Variants in SVEP1 observed in about 807,000 individuals in gnomAD.
The protein encoded by SVEP1 is sushi, von Willebrand factor type A, EGF and pentraxin domain containing 1.
Under a neutral mutation model 367.3 loss-of-function variants are expected in SVEP1, and 164 were observed. The observed-to-expected ratio is 0.45, with a 90% CI of 0.39 to 0.51. SVEP1 has a LOEUF of 0.51. Among genes scored for constraint, SVEP1 ranks in the 20% least tolerant of loss-of-function variants. The probability of loss-of-function intolerance (pLI) is 0.00; values close to 1 mark genes in which losing one functional copy is unlikely to be tolerated. For synonymous variants in SVEP1, 1,666 were observed against 1,611.6 expected (o/e 1.03, Z -0.81); for missense variants, 4,117 against 4,425.3 (o/e 0.93, Z 1.98).
chr9:110,515,082 T>G (rs913280362), intron 3 of SVEP1, among the ~76,000 whole-genome samples: 1 of 152,238 alleles, frequency 6.6e-6, no homozygotes, highest in African/African-American at 2.4e-5. Context: ...AAATCTTTCC[T>G]CTGCACAGAC....
At chr9:110,503,677 T>C (rs1352075821) in intron 5 of SVEP1, among the ~76,000 whole-genome samples, 2 of 152,252 alleles carry the variant, frequency 1.3e-5, no homozygotes, top group Non-Finnish European at 2.9e-5. Flanking sequence ...CTTCTAATAG[T>C]GTTAGCCTCT....
chr9:110,521,186 T>C (rs1829870892), intron 3 of SVEP1, among the ~76,000 whole-genome samples: 1 of 152,234 alleles, frequency 6.6e-6, no homozygotes, highest in South Asian at 2.1e-4. Flanking sequence ...GACTTTCTTT[T>C]TATGAGGCAG....
chr9:110,505,810 CTTT>C, intron 5 of SVEP1, among the ~76,000 whole-genome samples: 1 of 144,528 alleles, frequency 6.9e-6, no homozygotes, highest in South Asian at 2.2e-4. Context: ...CTCTTATTTT[CTTT>C]TCTCTCTTTT....
At chr9:110,527,223 T>C (rs1011186797) in intron 3 of SVEP1, among the ~76,000 whole-genome samples, 9 of 152,078 alleles carry the variant, frequency 5.9e-5, no homozygotes, top group African/African-American at 1.7e-4. Flanking sequence ...GGAAAGGATA[T>C]AGAGGATCTC....
At chr9:110,475,312 T>C (rs936276804) in intron 14 of SVEP1, among the ~76,000 whole-genome samples, 1 of 152,094 alleles carries the variant, frequency 6.6e-6, no homozygotes, top group Non-Finnish European at 1.5e-5. Context: ...TCTAAACACA[T>C]GACTTGAACT....
At chr9:110,550,125 T>G (rs770737904) in intron 1 of SVEP1, 21 bp from the exon 2 acceptor site, 1 of 1,613,206 alleles carries the variant, frequency 6.2e-7, no homozygotes, top group South Asian at 1.1e-5. Context: ...ATGGGGAAAG[T>G]TAATATGAGT....
intron 3 of SVEP1, among the ~76,000 whole-genome samples, chr9:110,527,140 T>C (rs888307324): frequency 6.6e-6 from 1 of 152,072 alleles, no homozygotes; most frequent in Non-Finnish European, 1.5e-5. Context: ...AATATCCTGT[T>C]TGAGATACTG....
chr9:110,385,388 G>A (rs542532853), intron 43 of SVEP1, among the ~76,000 whole-genome samples: 5 of 152,212 alleles, frequency 3.3e-5, no homozygotes, highest in Non-Finnish European at 5.9e-5. Flanking sequence ...GTAACAAAGC[G>A]CTAACCTATA....
At chr9:110,462,727 G>C (rs188595401) in intron 18 of SVEP1, among the ~76,000 whole-genome samples, 1 of 150,468 alleles carries the variant, frequency 6.6e-6, no homozygotes, top group East Asian at 1.9e-4. Flanking sequence ...CAGAGAGACA[G>C]AGAGAGAGAG....
chr9:110,548,981 A>C (rs1223542496), intron 2 of SVEP1, among the ~76,000 whole-genome samples: 2 of 152,174 alleles, frequency 1.3e-5, no homozygotes, highest in Non-Finnish European at 2.9e-5. Flanking sequence ...TTTTAAAAAG[A>C]AACTCCAGTA....
intron 22 of SVEP1, among the ~76,000 whole-genome samples, chr9:110,453,934 C>T (rs755607619): frequency 2.0e-5 from 3 of 149,522 alleles, no homozygotes; most frequent in African/African-American, 7.4e-5. Context: ...ATCTCACTGT[C>T]GTTTTGATTG....
intron 35 of SVEP1, among the ~76,000 whole-genome samples, chr9:110,428,399 A>AACACACACACAC (rs113743775): frequency 0.01 from 1,219 of 120,198 alleles, 7 homozygotes; most frequent in African/African-American, 0.022. Context: ...CCTCTGTTTA[A>AACACACACACAC]ACACACACAC....
At chr9:110,398,098 A>G (rs1827796204) in intron 40 of SVEP1, among the ~76,000 whole-genome samples, 1 of 151,612 alleles carries the variant, frequency 6.6e-6, no homozygotes, top group African/African-American at 2.4e-5. Flanking sequence ...ACCATACTAC[A>G]AGGCTACAGT....
chr9:110,550,732 G>A (rs1830276158), intron 1 of SVEP1, among the ~76,000 whole-genome samples: 1 of 152,162 alleles, frequency 6.6e-6, no homozygotes, highest in African/African-American at 2.4e-5. Context: ...AAAATAGCTA[G>A]TTTTGGTGGT....
At chr9:110,386,758 TTGAG>T (rs1380561165) in intron 42 of SVEP1, among the ~76,000 whole-genome samples, 6 of 152,362 alleles carry the variant, frequency 3.9e-5, no homozygotes, top group South Asian at 2.1e-4. Flanking sequence ...ATAAAAGTAT[TTGAG>T]TGAGGTACAC....
At chr9:110,479,902 G>A in intron 12 of SVEP1, 146 bp from the exon 13 acceptor site, 1 of 1,131,296 alleles carries the variant, frequency 8.8e-7, no homozygotes, top group Non-Finnish European at 1.2e-6. Flanking sequence ...GTTAAGGAGA[G>A]TTTCTAGGCA....
intron 1 of SVEP1, among the ~76,000 whole-genome samples, chr9:110,572,793 A>C (rs1164516488): frequency 1.0e-4 from 5 of 47,630 alleles, no homozygotes; most frequent in South Asian, 9.5e-4. Context: ...CTCTCACAAA[A>C]AAAAAAAAAA....
intron 3 of SVEP1, 50 bp downstream of exon 3, chr9:110,546,065 C>A (rs767011017): frequency 6.5e-7 from 1 of 1,538,218 alleles, no homozygotes; most frequent in South Asian, 1.2e-5. Flanking sequence ...ATTTTAGAAT[C>A]ATTTGTTACA....
intron 46 of SVEP1, among the ~76,000 whole-genome samples, chr9:110,371,211 T>A (rs1588016317): frequency 1.3e-5 from 2 of 152,200 alleles, no homozygotes; most frequent in East Asian, 3.9e-4. Flanking sequence ...AAAATAAAAC[T>A]CAATAATTGA....
Sources: allele counts gnomAD v4.1 joint callset (sites outside exome capture counted in the v4.1 genomes callset), GRCh38; gene constraint gnomAD v4.1.1; transcripts MANE v1.5; gene names NCBI Gene and HGNC (gene_info 2026-07-23, HGNC 2026-07-21).